Variants in MLPH observed in about 807,000 individuals in gnomAD.
The protein encoded by MLPH is melanophilin, also known as exophilin-3.
Under a neutral mutation model 72.1 loss-of-function variants are expected in MLPH, and 51 were observed. That is an observed-to-expected ratio of 0.71 (90% CI 0.56 to 0.89). The LOEUF is 0.89. Ranked by LOEUF, MLPH falls within the 40% of genes least tolerant of loss-of-function variation. The probability of loss-of-function intolerance (pLI) is 0.00; values close to 1 mark genes in which losing one functional copy is unlikely to be tolerated. For missense variants in MLPH, 743 were observed against 759.9 expected (o/e 0.98, Z 0.26); for synonymous variants, 301 against 310.1 (o/e 0.97, Z 0.31).
In MLPH at chr2:237,487,357, C is replaced by G. The variant is rs188472124; in HGVS notation, c.-105C>G. The G allele has an allele frequency of 7.8e-3, 1,173 of 150,442 alleles. 4 individuals carry two copies. The highest frequency in any genetic ancestry group is 0.03 in the South Asian group (144 of 4,834). 9.3% of individuals were successfully genotyped at this position (150,442 alleles called of 1,614,324 possible). On this transcript the variant is annotated 5_prime_UTR_variant, in exon 1 of 16. Coordinates refer to ENST00000264605, the MANE Select transcript of MLPH (RefSeq NM_024101.7). ...TGCCCCGGCGCCCTGACCTGACGCC[C>G]TGGCCTGACGCCCTGCTTCGTCGCC... is the stretch of plus-strand genomic sequence containing the variant.
intron 13 of MLPH, among the ~76,000 whole-genome samples, chr2:237,548,109 A>G (rs974506897): frequency 3.3e-5 from 5 of 152,212 alleles, no homozygotes; most frequent in African/African-American, 1.2e-4. Context: ...GTACTGATGA[A>G]CAAACCAGCC....
intron 2 of MLPH, among the ~76,000 whole-genome samples, chr2:237,506,836 G>A (rs2079781981): frequency 6.6e-6 from 1 of 152,098 alleles, no homozygotes; most frequent in African/African-American, 2.4e-5. Flanking sequence ...CCCTTATCTG[G>A]AACAATAGAA....
chr2:237,535,434 G>A (rs1197771343), intron 9 of MLPH, among the ~76,000 whole-genome samples: 3 of 152,014 alleles, frequency 2.0e-5, no homozygotes, highest in Non-Finnish European at 2.9e-5. Flanking sequence ...AGCACACCGA[G>A]ACAACCTGAT....
intron 2 of MLPH, among the ~76,000 whole-genome samples, chr2:237,508,406 C>G (rs2079821606): frequency 6.6e-6 from 1 of 152,168 alleles, no homozygotes; most frequent in African/African-American, 2.4e-5. Flanking sequence ...GCCACTGCAC[C>G]CAGCTCATTT....
intron 8 of MLPH, among the ~76,000 whole-genome samples, chr2:237,533,197 C>A (rs371061800): frequency 6.6e-6 from 1 of 152,168 alleles, no homozygotes; most frequent in East Asian, 1.9e-4. Context: ...ACTCTTCACC[C>A]TCTCCTGGGG....
chr2:237,542,170 G>T (rs570744562), intron 11 of MLPH, among the ~76,000 whole-genome samples: 49 of 152,212 alleles, frequency 3.2e-4, no homozygotes, highest in African/African-American at 1.0e-3. Flanking sequence ...GGCCTAAGAC[G>T]GGAGGGGTGG....
intron 1 of MLPH, among the ~76,000 whole-genome samples, chr2:237,493,067 C>G (rs901196175): frequency 6.6e-6 from 1 of 152,146 alleles, no homozygotes; most frequent in Admixed American, 6.5e-5. Flanking sequence ...ATTGCAAAGC[C>G]CAACCCTAGG....
intron 4 of MLPH, chr2:237,518,243 GTGGA>G: frequency 2.0e-6 from 1 of 503,714 alleles, no homozygotes; most frequent in Admixed American, 2.6e-5. Flanking sequence ...GTATGGGTGG[GTGGA>G]TGGATTGATG....
intron 2 of MLPH, among the ~76,000 whole-genome samples, chr2:237,503,100 C>T (rs577544281): frequency 6.6e-6 from 1 of 152,276 alleles, no homozygotes; most frequent in Admixed American, 6.5e-5. Flanking sequence ...GCCTGGGCAG[C>T]AGAGCGAAAT....
intron 14 of MLPH, 60 bp downstream of exon 14, chr2:237,549,338 A>G: frequency 7.1e-7 from 1 of 1,414,482 alleles, no homozygotes; most frequent in Non-Finnish European, 1.0e-6. Context: ...GGGGAGGAAA[A>G]TGACCAGTCG....
intron 4 of MLPH, among the ~76,000 whole-genome samples, chr2:237,517,711 G>A (rs1012875805): frequency 1.5e-5 from 2 of 135,246 alleles, no homozygotes; most frequent in Admixed American, 7.2e-5. Flanking sequence ...ATGGATGGAT[G>A]GATGGATAAG....
At chr2:237,501,893 C>A (rs952817737) in intron 2 of MLPH, among the ~76,000 whole-genome samples, 1 of 152,102 alleles carries the variant, frequency 6.6e-6, no homozygotes, top group Admixed American at 6.5e-5. Flanking sequence ...TAAAACTTTT[C>A]CGCTCATCTC....
At chr2:237,549,341 A>G in intron 14 of MLPH, 63 bp downstream of exon 14, 1 of 1,375,236 alleles carries the variant, frequency 7.3e-7, no homozygotes, top group Non-Finnish European at 1.0e-6. Flanking sequence ...GAGGAAAATG[A>G]CCAGTCGCAG....
intron 2 of MLPH, among the ~76,000 whole-genome samples, chr2:237,496,687 G>T (rs555082022): frequency 6.6e-6 from 1 of 152,008 alleles, no homozygotes; most frequent in African/African-American, 2.4e-5. Context: ...TGGCTGGGGC[G>T]TTAATTGGCC....
intron 2 of MLPH, among the ~76,000 whole-genome samples, chr2:237,497,401 A>T (rs150799055): frequency 2.6e-5 from 4 of 152,316 alleles, no homozygotes; most frequent in Non-Finnish European, 5.9e-5. Context: ...TTGGTTAAAT[A>T]TGTCACTAAA....
At chr2:237,530,747 T>C (rs1215613853) in intron 8 of MLPH, among the ~76,000 whole-genome samples, 1 of 152,192 alleles carries the variant, frequency 6.6e-6, no homozygotes, top group African/African-American at 2.4e-5. Context: ...ACTCCTTTTG[T>C]GTAACAGCAA....
Position 237,510,512 on chromosome 2 carries a change from C to A in MLPH, c.111-62C>A. The A allele has an allele frequency of 6.8e-7, 1 of 1,478,560 alleles. No individual in the cohort carries two copies. The highest frequency in any genetic ancestry group is 9.4e-7 in the Non-Finnish European group (1 of 1,066,950). 91.6% of individuals were successfully genotyped at this position (1,478,560 alleles called of 1,614,324 possible). On this transcript the variant is annotated intron_variant, in intron 2 of 15. Transcript: ENST00000264605. The surrounding 1 kb of genome is among the most constrained non-coding windows in gnomAD (Gnocchi z 4.4). ...GTGTGTGTGTATGTACGTGTACACA[C>A]TTAAAGCCTGTTGCAAAAACAAGAT... is the stretch of plus-strand genomic sequence containing the variant.
intron 6 of MLPH, 94 bp downstream of exon 6, chr2:237,520,123 T>A: frequency 3.2e-6 from 5 of 1,549,164 alleles, no homozygotes; most frequent in Non-Finnish European, 4.4e-6. Context: ...CTGGAAGCAG[T>A]GTCTGATGGC....
chr2:237,540,388 A>C lies in MLPH; in HGVS notation c.1145A>C (p.Glu382Ala). The stretch of plus-strand genomic sequence containing the variant: ...GTGCGCACGGAGGCCGATGTAGAGG[A>C]GGAGGCCCTGAGGAGGAAGCTGGAG... ...AGVRTEADVE[E>A]EALRRKLEEL... Residue 382 changes from glutamate to alanine, a missense_variant, in exon 10 of 16, where the codon GAG (glutamate) becomes GCG (alanine). By Grantham distance (107) the Glu-to-Ala change is moderately radical. Transcript: ENST00000264605. 6.2e-7 allele frequency: 1 copy of C among 1,613,750 alleles called. No homozygotes were observed. Among genetic ancestry groups the C allele is most frequent in the Non-Finnish European group, 8.5e-7 (1 of 1,179,984 alleles).
Sources: allele counts gnomAD v4.1 joint callset (sites outside exome capture counted in the v4.1 genomes callset), GRCh38; gene constraint gnomAD v4.1.1; non-coding constraint Gnocchi (gnomAD v3.1); transcripts MANE v1.5; gene names NCBI Gene and HGNC (gene_info 2026-07-23, HGNC 2026-07-21).